The following KIF24 variants were observed in gnomAD, a reference collection of about 807,000 sequenced individuals.
KIF24 encodes the protein kinesin family member 24, also known as kinesin-like protein KIF24.
In KIF24, 81 loss-of-function variants were observed where a neutral mutation model predicts 118.9. The ratio of observed to expected loss-of-function variants is 0.68; its 90% CI spans 0.57 to 0.82. KIF24 has a LOEUF of 0.82. Ranked by LOEUF, KIF24 falls within the 40% of genes least tolerant of loss-of-function variation. The pLI, the probability that KIF24 is intolerant of heterozygous loss-of-function variation, is 0.00. For missense variants in KIF24, 1,560 were observed against 1,661.6 expected, an observed-to-expected ratio of 0.94 and a Z score of 1.06; for synonymous variants, 599 against 610.0, an observed-to-expected ratio of 0.98 and a Z score of 0.27.
At chr9:34,270,515 C>CAA (rs1157919379) in intron 7 of KIF24, among the ~76,000 whole-genome samples, 12 of 56,010 alleles carry the variant, frequency 2.1e-4, no homozygotes, top group African/African-American at 6.4e-4. Context: ...GACTCCGTCT[C>CAA]AAAAAAAAAA....
In KIF24 at chr9:34,301,975, TTCTA is replaced by T. The variant is rs1176430319; in HGVS notation, c.813+4273_813+4276del. Reference sequence around the variant, plus strand: ...TCAGATTTCAGTGTCATCTTATTTTTTCTATATATGTATTTTTTTTTCTTTTTTT... The same window carrying T: ...TCAGATTTCAGTGTCATCTTATTTTTTATATGTATTTTTTTTTCTTTTTTT... On this transcript the variant is annotated intron_variant, in intron 3 of 12. Transcript: ENST00000402558. Among the ~76,000 whole-genome samples the T allele has an allele frequency of 4.1e-5, 6 of 147,240 alleles. No homozygotes were observed. In the South Asian group the frequency reaches 1.4e-3, roughly 34 times the overall value.
chr9:34,311,914 C>T (rs1012824180), intron 1 of KIF24, among the ~76,000 whole-genome samples: 5 of 151,960 alleles, frequency 3.3e-5, no homozygotes, highest in Non-Finnish European at 5.9e-5. Flanking sequence ...ACTATTGAAA[C>T]CTTGTTCCCA....
chr9:34,317,319 G>A (rs998981108), intron 1 of KIF24, among the ~76,000 whole-genome samples: 2 of 152,014 alleles, frequency 1.3e-5, no homozygotes, highest in South Asian at 2.1e-4. Context: ...GACCGTGGGA[G>A]GCGGACATTG....
At chr9:34,305,557 T>G (rs144424391) in intron 3 of KIF24, among the ~76,000 whole-genome samples, 1 of 152,350 alleles carries the variant, frequency 6.6e-6, no homozygotes, top group East Asian at 1.9e-4. Context: ...AGTCATATAT[T>G]CAGTGACTGG....
chr9:34,256,641 AAT>A lies in KIF24; in HGVS notation c.2964_2965del (p.Leu989ValfsTer46). 6.2e-7 allele frequency: 1 copy of A among 1,613,956 alleles called. No individual in the cohort carries two copies. Among genetic ancestry groups the A allele is most frequent in the Non-Finnish European group, 8.5e-7 (1 of 1,179,896 alleles). On this transcript the variant is annotated frameshift_variant, in exon 11 of 13. Coordinates refer to ENST00000402558, the MANE Select transcript of KIF24 (RefSeq NM_194313.4). LOFTEE classifies it high-confidence loss of function. ...GGATCCAGGAACTGCAACGTGGGAC[AAT>A]GAGATAGTGAAACCATCTTCCTCTG...
intron 2 of KIF24, among the ~76,000 whole-genome samples, chr9:34,308,179 G>A (rs909797033): frequency 1.3e-5 from 2 of 152,288 alleles, no homozygotes; most frequent in South Asian, 2.1e-4. Context: ...TGTTGCCCAG[G>A]CTGGCCTCGA....
rs1391905571 is a variant in KIF24, at chr9:34,255,060, A to C, written c.3966+12T>G. On this transcript the variant is annotated intron_variant, in intron 12 of 12. Transcript: ENST00000402558. ...CCCAACAGCCTGTGAGTGTCCAGCC[A>C]GGGCTACTTACATTAGAAGCCAGCT... The C allele has an allele frequency of 6.4e-7, 1 of 1,551,508 alleles. No individual in the cohort carries two copies. Among genetic ancestry groups the C allele is most frequent in the Non-Finnish European group, 8.8e-7 (1 of 1,138,472 alleles).
At chr9:34,322,153 G>A (rs1026691492) in intron 1 of KIF24, among the ~76,000 whole-genome samples, 2 of 151,876 alleles carry the variant, frequency 1.3e-5, no homozygotes. Flanking sequence ...TAGTTATATC[G>A]GGCCTGCAAT....
At chr9:34,285,068 G>A (rs1193641435) in intron 6 of KIF24, among the ~76,000 whole-genome samples, 1 of 152,092 alleles carries the variant, frequency 6.6e-6, no homozygotes, top group Admixed American at 6.5e-5. Context: ...TAGCTCAGTG[G>A]GGAACAGGGG....
Position 34,257,399 on chromosome 9 carries a change from G to C in KIF24, c.2208C>G (p.Asp736Glu), listed in dbSNP as rs762874669. 1.6e-5 allele frequency: 26 copies of C among 1,614,066 alleles called. No individual in the cohort carries two copies. The highest frequency in any genetic ancestry group is 2.2e-5 in the Non-Finnish European group (26 of 1,179,894). The change falls in exon 11 of 13, where the codon GAC becomes GAG. Residue 736 changes from aspartate to glutamate, a missense_variant. By Grantham distance (45) the Asp-to-Glu change is conservative. This residue lies in a region of KIF24 where 964 missense variants were observed against 988.0 expected (regional missense o/e 0.98). Coordinates refer to ENST00000402558, the MANE Select transcript of KIF24 (RefSeq NM_194313.4). ...GCCTAGCAGGCGTGCCCCTCTGGCT[G>C]TCTTGACTGTACTCAGCCCTGTGGT... ...NAHHRAEYSQ[D>E]SQRGTPARPA...
rs576565191 is a variant in KIF24 at position 34,305,068 on chromosome 9, C to A, written c.813+1184G>T. ...GTTTTAGATTACTCACAATTTTTCA[C>A]AATTTTAGGAGTACCTAAATGATGA... On this transcript the variant is annotated intron_variant, in intron 3 of 12. Transcript: ENST00000402558. 3.3e-5 allele frequency among the ~76,000 whole-genome samples: 5 copies of A among 152,264 alleles called. No homozygotes were observed. In the East Asian group the frequency reaches 9.7e-4, roughly 29 times the overall value.
chr9:34,286,867 C>G (rs995544764), intron 5 of KIF24, among the ~76,000 whole-genome samples, 163 bp from the exon 6 acceptor site: 17 of 152,140 alleles, frequency 1.1e-4, no homozygotes, highest in Admixed American at 1.1e-3. Context: ...GACCTCAGCC[C>G]GATTCAGGGG....
At chr9:34,327,810 G>C (rs948680295) in intron 1 of KIF24, among the ~76,000 whole-genome samples, 9 of 149,618 alleles carry the variant, frequency 6.0e-5, no homozygotes, top group African/African-American at 2.2e-4. Context: ...ACTACAGCCT[G>C]GGTGACAGAG....
At chr9:34,276,625 G>A (rs1835670868) in intron 6 of KIF24, among the ~76,000 whole-genome samples, 1 of 152,010 alleles carries the variant, frequency 6.6e-6, no homozygotes, top group Admixed American at 6.6e-5. Context: ...CATGATCTAA[G>A]CAATAGTATG....
intron 1 of KIF24, among the ~76,000 whole-genome samples, chr9:34,316,051 T>A (rs1019390948): frequency 4.0e-5 from 6 of 151,542 alleles, no homozygotes; most frequent in African/African-American, 1.5e-4. Context: ...AAAAATTTTT[T>A]TAGAAATGTT....
Position 34,252,390 on chromosome 9 carries a change from T to C in KIF24, c.*1990A>G, listed in dbSNP as rs570963908. On this transcript the variant is annotated 3_prime_UTR_variant, in exon 13 of 13. Coordinates refer to ENST00000402558, the MANE Select transcript of KIF24 (RefSeq NM_194313.4). Reference sequence around the variant, plus strand: ...ACCTAGTCATAGAAATCAGTCTCTCTGGTTTGTTTTGTATTATGTTGTACA... The same window carrying C: ...ACCTAGTCATAGAAATCAGTCTCTCCGGTTTGTTTTGTATTATGTTGTACA... 6.5e-6 allele frequency: 1 copy of C among 152,800 alleles called. No homozygotes were observed. The highest frequency in any genetic ancestry group is 6.5e-5 in the Admixed American group (1 of 15,302). The allele number at this position is 152,800 out of a possible 1,614,324, so 9.5% of individuals were successfully genotyped here.
intron 9 of KIF24, among the ~76,000 whole-genome samples, chr9:34,260,971 C>T (rs1314782837): frequency 6.6e-6 from 1 of 151,764 alleles, no homozygotes; most frequent in East Asian, 1.9e-4. Flanking sequence ...GACTCCCTCT[C>T]AAAAATAAAT....
Position 34,318,356 on chromosome 9 carries a change from C to A in KIF24, c.-25-6985G>T. 2.6e-5 allele frequency: 13 copies of A among 502,802 alleles called. No homozygotes were observed. Among genetic ancestry groups the A allele is most frequent in the Admixed American group, 4.8e-5 (2 of 41,970 alleles). 31.1% of individuals were successfully genotyped at this position (502,802 alleles called of 1,614,324 possible). On this transcript the variant is annotated intron_variant, in intron 1 of 12. Coordinates refer to ENST00000402558, the MANE Select transcript of KIF24 (RefSeq NM_194313.4). The surrounding 1 kb of genome is among the most constrained non-coding windows in gnomAD (Gnocchi z 4.9). Reference sequence around the variant, plus strand: ...CCCAACCCAGCCCAACCCAGCTTGACCTAGCCCTGACAGGTCCATCGTGGT... The same window carrying A: ...CCCAACCCAGCCCAACCCAGCTTGAACTAGCCCTGACAGGTCCATCGTGGT...
intron 1 of KIF24, chr9:34,319,558 C>T (rs1837448165): frequency 2.7e-6 from 3 of 1,103,046 alleles, no homozygotes; most frequent in Admixed American, 3.6e-5. Context: ...TCCGACCACC[C>T]CTTCATCTTC....
Sources: gnomAD v4.1 joint callset for allele counts (sites outside exome capture counted in the v4.1 genomes callset) on GRCh38, gnomAD v4.1.1 for gene constraint, gnomAD v4.1.1 regional missense constraint, Gnocchi (gnomAD v3.1) non-coding constraint, MANE v1.5 for transcripts, NCBI Gene and HGNC (gene_info 2026-07-23, HGNC 2026-07-21) for gene names.